Variants in CLMP observed in about 807,000 individuals in gnomAD.
The protein encoded by CLMP is CXADR like cell adhesion molecule.
CLMP carries 27 observed loss-of-function variants against 45.2 expected under a neutral mutation model. The ratio of observed to expected loss-of-function variants is 0.60; its 90% confidence interval spans 0.44 to 0.82. CLMP has a LOEUF of 0.82. Among genes scored for constraint, CLMP ranks in the 40% least tolerant of loss-of-function variants. The pLI is 0.00. For synonymous variants in CLMP, 167 were observed against 171.4 expected (o/e 0.97, Z 0.20); for missense variants, 403 against 448.4 (o/e 0.90, Z 0.91).
At chr11:123,107,534 ATT>A (rs370750162) in intron 1 of CLMP, among the ~76,000 whole-genome samples, 3 of 123,396 alleles carry the variant, frequency 2.4e-5, no homozygotes, top group Non-Finnish European at 1.7e-5. Context: ...CCTGACCTAA[ATT>A]TTTTTTTTTT....
At chr11:123,101,346 A>T (rs1282732321) in intron 1 of CLMP, among the ~76,000 whole-genome samples, 1 of 152,174 alleles carries the variant, frequency 6.6e-6, no homozygotes, top group Non-Finnish European at 1.5e-5. Context: ...ACCTCAGGTG[A>T]TCCGCCTGCC....
intron 1 of CLMP, among the ~76,000 whole-genome samples, chr11:123,105,369 C>T (rs1591459395): frequency 9.0e-6 from 1 of 110,676 alleles, no homozygotes; most frequent in Non-Finnish European, 1.9e-5. Context: ...CCCTCCCTCC[C>T]TCCCTCCCTC....
At chr11:123,149,733 G>C (rs79845490) in intron 1 of CLMP, among the ~76,000 whole-genome samples, 2,888 of 152,194 alleles carry the variant, frequency 0.019, 77 homozygotes, top group African/African-American at 0.064. Flanking sequence ...TGGGAGAAGA[G>C]AGGTTCTCAA....
intron 1 of CLMP, among the ~76,000 whole-genome samples, chr11:123,174,574 C>T (rs1185256324): frequency 3.9e-5 from 6 of 152,226 alleles, no homozygotes; most frequent in Non-Finnish European, 7.3e-5. Context: ...CACTTGCCCA[C>T]TTGCTGCCTC....
At position 123,172,975 on chromosome 11, in the gene CLMP, G is replaced by A. The variant is rs148288537; in HGVS notation, c.28+21938C>T. Reference sequence around the variant, plus strand: ...CACTTCCAGAGGGATGTTTCTATAAGGGCCATAGTATTTTCCTTGTCACCA... The same window carrying A: ...CACTTCCAGAGGGATGTTTCTATAAAGGCCATAGTATTTTCCTTGTCACCA... On this transcript the variant is annotated intron_variant, in intron 1 of 6. Coordinates refer to ENST00000448775, the MANE Select transcript of CLMP (RefSeq NM_024769.5). Among the ~76,000 whole-genome samples, 28 of 152,284 alleles carry A rather than the reference G, an allele frequency of 1.8e-4. No individual in the cohort carries two copies. The East Asian group carries it at 5.4e-3, about 29-fold the overall frequency.
chr11:123,189,839 A>G lies in CLMP; in HGVS notation c.28+5074T>C, dbSNP rs377008799. ...AACATGGTGAAACCCCATCTCTATT[A>G]AAAATACAAAAAATTAGCTGGGCGT... On this transcript the variant is annotated intron_variant, in intron 1 of 6. Transcript: ENST00000448775. 9.4e-4 allele frequency among the ~76,000 whole-genome samples: 143 copies of G among 152,154 alleles called. 6 individuals are homozygous for G. The South Asian group carries it at 0.029, about 30-fold the overall frequency.
At chr11:123,109,347 C>A (rs1047259009) in intron 1 of CLMP, among the ~76,000 whole-genome samples, 44 of 152,144 alleles carry the variant, frequency 2.9e-4, no homozygotes, top group African/African-American at 1.1e-3. Flanking sequence ...ACCCGTGACT[C>A]AAATGTTATC....
rs375727337 is a variant in CLMP at position 123,084,919 on chromosome 11, C to T, written c.187-206G>A. 2.8e-4 allele frequency among the ~76,000 whole-genome samples: 42 copies of T among 152,316 alleles called. No individual in the cohort carries two copies. The East Asian group carries it at 5.4e-3, about 20-fold the overall frequency. ...TTGCCTCTCCTTCCAAAAATAATAACACTTCATGTTTGTGTAGCATTTTAG... is the reference window on the plus strand; with the variant it reads ...TTGCCTCTCCTTCCAAAAATAATAATACTTCATGTTTGTGTAGCATTTTAG... On this transcript the variant is annotated intron_variant, in intron 2 of 6. Coordinates refer to ENST00000448775, the MANE Select transcript of CLMP (RefSeq NM_024769.5).
chr11:123,170,320 C>T (rs1036172181), intron 1 of CLMP, among the ~76,000 whole-genome samples: 12 of 152,112 alleles, frequency 7.9e-5, no homozygotes, highest in African/African-American at 2.7e-4. Context: ...GCAAACTCCC[C>T]AGGCCTCTTA....
intron 1 of CLMP, among the ~76,000 whole-genome samples, chr11:123,150,319 T>A (rs1336378483): frequency 6.7e-6 from 1 of 149,710 alleles, no homozygotes; most frequent in Non-Finnish European, 1.5e-5. Context: ...TACTGGGAGT[T>A]CCAAGGAAGA....
At chr11:123,187,181 G>A (rs1431443991) in intron 1 of CLMP, among the ~76,000 whole-genome samples, 1 of 152,136 alleles carries the variant, frequency 6.6e-6, no homozygotes, top group Non-Finnish European at 1.5e-5. Context: ...CTTGCCCAAG[G>A]TCACACAATT....
intron 1 of CLMP, among the ~76,000 whole-genome samples, chr11:123,164,166 T>C (rs993076603): frequency 1.6e-4 from 25 of 152,032 alleles, no homozygotes; most frequent in African/African-American, 5.3e-4. Flanking sequence ...TTATCTGTTA[T>C]ATTTACCCCC....
At chr11:123,181,542 C>A (rs1203243586) in intron 1 of CLMP, among the ~76,000 whole-genome samples, 1 of 152,182 alleles carries the variant, frequency 6.6e-6, no homozygotes, top group African/African-American at 2.4e-5. Context: ...GCAATGAATT[C>A]CATTCCGTCC....
In CLMP at chr11:123,097,949, G is replaced by A; in HGVS notation, c.32C>T (p.Ser11Phe). 6.5e-7 allele frequency: 1 copy of A among 1,544,854 alleles called. No individual in the cohort carries two copies. The highest frequency in any genetic ancestry group is 8.7e-7 in the Non-Finnish European group (1 of 1,143,886). The change falls in exon 2 of 7, where the codon TCC becomes TTC. Residue 11 changes from serine to phenylalanine, a missense_variant. Physicochemically the swap from Ser to Phe is radical, Grantham distance 155 (BLOSUM62 -2). Coordinates refer to ENST00000448775, the MANE Select transcript of CLMP (RefSeq NM_024769.5). MSLLLLLLLV[S>F]YYVGTLGTHT... ...AGTCCCCAAGGTTCCAACATAGTAG[G>A]AAACTGGAAGAGGAAAATCTTTAAT...
intron 1 of CLMP, among the ~76,000 whole-genome samples, chr11:123,174,525 G>T (rs906037711): frequency 3.7e-4 from 56 of 152,202 alleles, no homozygotes; most frequent in African/African-American, 1.3e-3. Flanking sequence ...TCCTTGAGTT[G>T]TTTTGTTAAG....
intron 1 of CLMP, among the ~76,000 whole-genome samples, chr11:123,132,606 C>G (rs1364760846): frequency 4.6e-5 from 7 of 151,746 alleles, no homozygotes; most frequent in African/African-American, 1.7e-4. Context: ...TTACAGGCGC[C>G]TGCCACCACA....
intron 5 of CLMP, among the ~76,000 whole-genome samples, chr11:123,080,150 A>G (rs1865788145): frequency 6.6e-6 from 1 of 152,182 alleles, no homozygotes; most frequent in Non-Finnish European, 1.5e-5. Context: ...CCATAAAGTG[A>G]GTGATCTAAG....
chr11:123,086,693 C>T (rs1246454273), intron 2 of CLMP, among the ~76,000 whole-genome samples: 1 of 152,178 alleles, frequency 6.6e-6, no homozygotes, highest in Non-Finnish European at 1.5e-5. Context: ...CAGCCCTTCT[C>T]CTGGATGTGG....
At chr11:123,074,922 T>C in intron 5 of CLMP, 79 bp from the exon 6 acceptor site, 1 of 1,468,784 alleles carries the variant, frequency 6.8e-7, no homozygotes, top group Non-Finnish European at 9.2e-7. Context: ...AAACATAAGC[T>C]CTGGACAGAA....
Sources: gnomAD v4.1 joint callset for allele counts (sites outside exome capture counted in the v4.1 genomes callset) on GRCh38, gnomAD v4.1.1 for gene constraint, MANE v1.5 for transcripts, NCBI Gene and HGNC (gene_info 2026-07-23, HGNC 2026-07-21) for gene names.